The following CALCR variants were observed in gnomAD, a reference collection of about 807,000 sequenced individuals.
The protein encoded by CALCR is calcitonin receptor.
In CALCR, 47 loss-of-function variants were observed where a neutral mutation model predicts 59.5. The ratio of observed to expected loss-of-function variants is 0.79; its 90% confidence interval spans 0.63 to 1.01. CALCR has a LOEUF of 1.01. Among genes scored for constraint, CALCR ranks in the 50% least tolerant of loss-of-function variants. The pLI is 0.00. For missense variants in CALCR, 566 were observed against 597.1 expected (o/e 0.95, Z 0.54); for synonymous variants, 213 against 211.3 (o/e 1.01, Z -0.07).
chr7:93,440,034 T>C (rs1270076902), intron 9 of CALCR, among the ~76,000 whole-genome samples: 1 of 152,154 alleles, frequency 6.6e-6, no homozygotes, highest in African/African-American at 2.4e-5. Flanking sequence ...TTACAATATC[T>C]CTTATCATTC....
intron 2 of CALCR, among the ~76,000 whole-genome samples, chr7:93,542,499 A>G (rs1414178075): frequency 6.6e-6 from 1 of 152,286 alleles, no homozygotes; most frequent in South Asian, 2.1e-4. Context: ...GGCCTAGGAC[A>G]TTACTGTACA....
At chr7:93,473,587 C>G (rs946592371) in intron 5 of CALCR, among the ~76,000 whole-genome samples, 5 of 144,414 alleles carry the variant, frequency 3.5e-5, no homozygotes, top group South Asian at 2.2e-4. Context: ...TTGGCCCCCC[C>G]CCCTTTTTTT....
intron 2 of CALCR, among the ~76,000 whole-genome samples, chr7:93,543,159 T>C (rs12704682): frequency 0.29 from 44,023 of 152,148 alleles, 7,668 homozygotes; most frequent in Non-Finnish European, 0.39. Flanking sequence ...ATAGTTATAG[T>C]TGTATATAGG....
At position 93,426,516 on chromosome 7, in the gene CALCR, GA is replaced by G. The variant is rs1251348026; in HGVS notation, c.1264del (p.Ser422ProfsTer26). On this transcript the variant is annotated frameshift_variant, in exon 14 of 14. Coordinates refer to ENST00000426151, the MANE Select transcript of CALCR (RefSeq NM_001742.4). LOFTEE classifies it low-confidence loss of function (END_TRUNC). ...GGCTGCAGCGCGAGCAGAGCGGTTG[GA>G]GGGGCGCCTCCCCCAACGCTGGTTC... ...QWNQRWGRRP[S>X]NRSARAAAAA... The G allele has an allele frequency of 6.2e-7, 1 of 1,613,910 alleles. No individual in the cohort carries two copies. Among genetic ancestry groups the G allele is most frequent in the African/African-American group, 1.3e-5 (1 of 74,942 alleles).
At chr7:93,473,988 C>A (rs1056264873) in intron 5 of CALCR, among the ~76,000 whole-genome samples, 26 of 151,644 alleles carry the variant, frequency 1.7e-4, no homozygotes, top group African/African-American at 6.3e-4. Flanking sequence ...TGACTCATAT[C>A]TTTGCTGAAA....
intron 2 of CALCR, among the ~76,000 whole-genome samples, chr7:93,572,963 G>A (rs1790039953): frequency 1.3e-5 from 2 of 152,102 alleles, no homozygotes; most frequent in African/African-American, 2.4e-5. Context: ...CAGGTTAGAG[G>A]CATTGAACCA....
At chr7:93,513,643 C>T (rs2106731) in intron 2 of CALCR, among the ~76,000 whole-genome samples, 1 of 151,902 alleles carries the variant, frequency 6.6e-6, no homozygotes, top group Non-Finnish European at 1.5e-5. Flanking sequence ...GTGTGACCTT[C>T]GAAAAGTTAA....
intron 2 of CALCR, among the ~76,000 whole-genome samples, chr7:93,489,983 T>C (rs1050336121): frequency 2.6e-5 from 4 of 152,042 alleles, no homozygotes; most frequent in African/African-American, 2.4e-5. Context: ...CCAATATCCC[T>C]GATGAGCATT....
rs748771882 is a variant in CALCR, at chr7:93,424,669, CATA to C, written c.*1684_*1686del. 6 of 152,524 alleles carry C rather than the reference CATA, an allele frequency of 3.9e-5. No individual in the cohort carries two copies. The highest frequency in any genetic ancestry group is 7.4e-5 in the Non-Finnish European group (5 of 67,998). 9.4% of individuals were successfully genotyped at this position (152,524 alleles called of 1,614,324 possible). On this transcript the variant is annotated 3_prime_UTR_variant, in exon 14 of 14. Transcript: ENST00000426151. ...TTTTCTTCAACCCCTACTATATTAGCATAATAACATCTAAAATATTTTAGCAAT... is the reference window on the plus strand; with the variant it reads ...TTTTCTTCAACCCCTACTATATTAGCATAACATCTAAAATATTTTAGCAAT...
At chr7:93,539,301 T>C (rs1789069605) in intron 2 of CALCR, among the ~76,000 whole-genome samples, 2 of 152,066 alleles carry the variant, frequency 1.3e-5, no homozygotes, top group South Asian at 4.1e-4. Flanking sequence ...ATATATCATG[T>C]TTTATGTGTT....
intron 2 of CALCR, among the ~76,000 whole-genome samples, chr7:93,519,192 G>GTGTGAAT (rs1227734715): frequency 1.3e-5 from 2 of 151,816 alleles, no homozygotes; most frequent in Admixed American, 6.6e-5. Context: ...TTTTTCTGTT[G>GTGTGAAT]TGTGAATTTA....
At chr7:93,545,384 TAGAC>T (rs540872494) in intron 2 of CALCR, among the ~76,000 whole-genome samples, 10 of 152,278 alleles carry the variant, frequency 6.6e-5, no homozygotes, top group South Asian at 6.2e-4. Context: ...TGCCTCTAGA[TAGAC>T]AGGCTCAAAC....
At chr7:93,545,506 C>T (rs1393453298) in intron 2 of CALCR, among the ~76,000 whole-genome samples, 1 of 152,086 alleles carries the variant, frequency 6.6e-6, no homozygotes, top group Admixed American at 6.6e-5. Flanking sequence ...ACCTTGCCTG[C>T]TGGACTTCGA....
At chr7:93,537,759 C>T (rs771408379) in intron 2 of CALCR, among the ~76,000 whole-genome samples, 8 of 151,272 alleles carry the variant, frequency 5.3e-5, no homozygotes, top group Non-Finnish European at 7.4e-5. Flanking sequence ...TATATATAAA[C>T]AATCTGGATG....
At chr7:93,525,237 C>A (rs1801852353) in intron 2 of CALCR, among the ~76,000 whole-genome samples, 1 of 152,050 alleles carries the variant, frequency 6.6e-6, no homozygotes. Flanking sequence ...TTCCACTTGA[C>A]AAATGCAAAA....
At chr7:93,431,810 C>T (rs959228858) in intron 13 of CALCR, among the ~76,000 whole-genome samples, 5 of 152,032 alleles carry the variant, frequency 3.3e-5, no homozygotes, top group African/African-American at 7.2e-5. Flanking sequence ...CCACGATGTA[C>T]GGAGAATAGA....
intron 8 of CALCR, among the ~76,000 whole-genome samples, chr7:93,445,259 A>G (rs987547952): frequency 6.6e-6 from 1 of 152,034 alleles, no homozygotes; most frequent in Non-Finnish European, 1.5e-5. Context: ...TTAGTTTTGT[A>G]TTTTCTAAGC....
chr7:93,560,910 A>T (rs1032494239), intron 2 of CALCR, among the ~76,000 whole-genome samples: 1 of 152,190 alleles, frequency 6.6e-6, no homozygotes, highest in Non-Finnish European at 1.5e-5. Flanking sequence ...TCTGAGTTGT[A>T]GTTTTCTCAA....
At chr7:93,496,227 T>C (rs1259525720) in intron 2 of CALCR, among the ~76,000 whole-genome samples, 1 of 151,448 alleles carries the variant, frequency 6.6e-6, no homozygotes, top group East Asian at 1.9e-4. Flanking sequence ...GCCAAATAAG[T>C]TTAGGAAATT....
Sources: gnomAD v4.1 joint callset for allele counts (sites outside exome capture counted in the v4.1 genomes callset) on GRCh38, gnomAD v4.1.1 for gene constraint, MANE v1.5 for transcripts, NCBI Gene and HGNC (gene_info 2026-07-23, HGNC 2026-07-21) for gene names.